ATAD5: variants seen among roughly 807,000 people sequenced by gnomAD.
ATAD5 encodes ATPase family AAA domain containing 5.
A neutral mutation model predicts 176.9 loss-of-function variants in ATAD5; 58 were observed. That is an observed-to-expected ratio of 0.33 (90% CI 0.27 to 0.41). The LOEUF is 0.41. Ranked by LOEUF, ATAD5 falls within the 10% of genes least tolerant of loss-of-function variation. ATAD5 has a pLI of 1.00. For synonymous variants in ATAD5, 640 were observed against 712.6 expected, an observed-to-expected ratio of 0.90 and a Z score of 1.62; for missense variants, 1,789 against 2,094.1, an observed-to-expected ratio of 0.85 and a Z score of 2.84.
chr17:30,853,446 C>T (rs1907093016), intron 6 of ATAD5, among the ~76,000 whole-genome samples: 5 of 151,918 alleles, frequency 3.3e-5, no homozygotes, highest in Admixed American at 2.6e-4. Flanking sequence ...CCATCTTCCT[C>T]CTTCCCGCCA....
rs1320531441 is a variant in ATAD5 at position 30,832,362 on chromosome 17, G to A, written c.15G>A (p.Leu5=). The A allele has an allele frequency of 5.8e-6, 9 of 1,563,394 alleles. No homozygotes were observed. Among genetic ancestry groups the A allele is most frequent in the Non-Finnish European group, 4.3e-6 (5 of 1,153,918 alleles). Residue 5 remains leucine, a synonymous_variant, in exon 1 of 23, where the codon CTG becomes CTA. Transcript: ENST00000321990. MVGV[L]AMAAAAAPPP... is the part of the protein sequence containing the mutation. ...AAGCGGGGAGTATGGTGGGGGTCCT[G>A]GCCATGGCGGCTGCAGCTGCTCCGC...
At chr17:30,859,352 A>G (rs1907477003) in intron 9 of ATAD5, among the ~76,000 whole-genome samples, 1 of 151,738 alleles carries the variant, frequency 6.6e-6, no homozygotes, top group Non-Finnish European at 1.5e-5. Flanking sequence ...TTGCCTTTTT[A>G]TTTTATTTTA....
chr17:30,881,210 G>T (rs1237845099), intron 18 of ATAD5, among the ~76,000 whole-genome samples: 1 of 151,332 alleles, frequency 6.6e-6, no homozygotes, highest in Non-Finnish European at 1.5e-5. Flanking sequence ...ATTGCTTGAG[G>T]CCAACAGTTC....
At chr17:30,892,858 T>G in intron 20 of ATAD5, 70 bp downstream of exon 20, 2 of 1,271,044 alleles carry the variant, frequency 1.6e-6, no homozygotes, top group Non-Finnish European at 2.2e-6. Context: ...TAGCCTCCTA[T>G]CTTTTGAATC....
At chr17:30,876,578 A>G in intron 15 of ATAD5, 28 bp downstream of exon 15, 1 of 1,414,444 alleles carries the variant, frequency 7.1e-7, no homozygotes, top group Non-Finnish European at 9.7e-7. Context: ...CAAATTTTAT[A>G]TTTTTTAATA....
chr17:30,844,697 A>G (rs377682658), intron 5 of ATAD5, 138 bp from the exon 6 acceptor site: 2 of 651,994 alleles, frequency 3.1e-6, no homozygotes, highest in Admixed American at 7.0e-5. Flanking sequence ...GCAGTGAGCC[A>G]AGATCGTGGC....
In ATAD5 at chr17:30,872,559, T is replaced by C. The variant is rs573285345; in HGVS notation, c.3607+2913T>C. On this transcript the variant is annotated intron_variant, in intron 14 of 22. Coordinates refer to ENST00000321990, the MANE Select transcript of ATAD5 (RefSeq NM_024857.5). ...TCTTTTTTTTTTTCTTTTTTCTTTTTTTTTTTCTTTTTTTGAGACGGAGTC... is the reference window on the plus strand; with the variant it reads ...TCTTTTTTTTTTTCTTTTTTCTTTTCTTTTTTCTTTTTTTGAGACGGAGTC... Among the ~76,000 whole-genome samples, 6 of 133,660 alleles carry C rather than the reference T, an allele frequency of 4.5e-5. No homozygotes were observed. In the South Asian group the frequency reaches 9.2e-4, roughly 20 times the overall value. 87.7% of individuals were successfully genotyped at this position (133,660 alleles called of 152,430 possible). A position where few individuals can be genotyped will look rare whatever the true frequency, so the allele number is the denominator to read the frequency against.
At chr17:30,839,172 G>T (rs555774465) in intron 3 of ATAD5, among the ~76,000 whole-genome samples, 2 of 151,868 alleles carry the variant, frequency 1.3e-5, no homozygotes, top group Non-Finnish European at 2.9e-5. Context: ...GAGTAAACTG[G>T]TTCCCCTAAG....
At chr17:30,852,016 A>G (rs369385204) in intron 6 of ATAD5, among the ~76,000 whole-genome samples, 3 of 152,324 alleles carry the variant, frequency 2.0e-5, no homozygotes, top group African/African-American at 4.8e-5. Context: ...CAAACCTGCA[A>G]TTATGGGCCT....
chr17:30,840,956 TAC>T (rs1906071879), intron 4 of ATAD5, among the ~76,000 whole-genome samples, 175 bp downstream of exon 4: 1 of 152,152 alleles, frequency 6.6e-6, no homozygotes. Flanking sequence ...GTCTGCAGAA[TAC>T]AGTTTGAATC....
chr17:30,840,718 A>T lies in ATAD5; in HGVS notation c.2178A>T (p.Ile726=), dbSNP rs769096269. ...SRSKVTEEIA[I]PLRRSSRHQT... is the part of the protein sequence containing the mutation. ...CAAAGGTGACTGAAGAAATAGCGATACCCTTAAGGCGCTCCTCTAGACATC... is the reference window on the plus strand; with the variant it reads ...CAAAGGTGACTGAAGAAATAGCGATTCCCTTAAGGCGCTCCTCTAGACATC... The change falls in exon 4 of 23, where the codon ATA becomes ATT. Residue 726 remains isoleucine (I), a synonymous_variant. Transcript: ENST00000321990. 163 of 1,609,194 alleles carry T rather than the reference A, an allele frequency of 1.0e-4. No homozygotes were observed. Among genetic ancestry groups the T allele is most frequent in the Non-Finnish European group, 1.2e-4 (147 of 1,178,344 alleles).
At chr17:30,857,200 T>C in intron 8 of ATAD5, 88 bp downstream of exon 8, 1 of 1,403,792 alleles carries the variant, frequency 7.1e-7, no homozygotes, top group Non-Finnish European at 9.6e-7. Context: ...TCTTATAGCC[T>C]CGAGTGTTGT....
Position 30,834,564 on chromosome 17 carries a change from C to T in ATAD5, c.483C>T (p.Tyr161=). The T allele has an allele frequency of 1.2e-6, 2 of 1,604,560 alleles. No homozygotes were observed. Among genetic ancestry groups the T allele is most frequent in the Non-Finnish European group, 1.7e-6 (2 of 1,177,820 alleles). ...FVESSTSVLR[Y]KKQVEVLAEN... ...AAAGTAGTACTTCTGTTTTACGTTA[C>T]AAGAAACAAGTAGAGGTACTTGCAG... Residue 161 remains tyrosine, a synonymous_variant, in exon 2 of 23, where the codon TAC becomes TAT. Coordinates refer to ENST00000321990, the MANE Select transcript of ATAD5 (RefSeq NM_024857.5).
Position 30,878,716 on chromosome 17 carries a change from GTGTTTTTTTTTT to G in ATAD5, c.4012+622_4012+633del, listed in dbSNP as rs1444555692. Among the ~76,000 whole-genome samples the G allele has an allele frequency of 5.2e-3, 433 of 82,638 alleles. 7 individuals are homozygous for G. Among genetic ancestry groups the G allele is most frequent in the African/African-American group, 0.019 (370 of 19,860 alleles). 54.2% of individuals were successfully genotyped at this position (82,638 alleles called of 152,430 possible). On this transcript the variant is annotated intron_variant, in intron 17 of 22. Transcript: ENST00000321990. ...AATCTTATTAATCAGAAGTTAGGTG[GTGTTTTTTTTTT>G]TTTTTTTTTTTTTTTTTTTTGGAGA...
At chr17:30,860,682 T>A (rs1322529426) in intron 10 of ATAD5, 70 bp downstream of exon 10, 1 of 1,270,934 alleles carries the variant, frequency 7.9e-7, no homozygotes, top group Non-Finnish European at 1.1e-6. Flanking sequence ...ACCAAAGCAG[T>A]AGAAGATTTT....
chr17:30,859,517 G>C (rs979242060), intron 9 of ATAD5, among the ~76,000 whole-genome samples: 3 of 152,160 alleles, frequency 2.0e-5, no homozygotes, highest in African/African-American at 7.2e-5. Flanking sequence ...CTGCCACCAT[G>C]CCTTTCTAAT....
chr17:30,868,813 A>C (rs1305279314), intron 12 of ATAD5, among the ~76,000 whole-genome samples: 1 of 149,972 alleles, frequency 6.7e-6, no homozygotes, highest in East Asian at 2.0e-4. Flanking sequence ...CTGGCCTATA[A>C]AATTTCTTAA....
intron 6 of ATAD5, among the ~76,000 whole-genome samples, chr17:30,852,717 G>C (rs1261237447): frequency 1.3e-5 from 2 of 151,968 alleles, no homozygotes; most frequent in Non-Finnish European, 2.9e-5. Flanking sequence ...CGAGAGAAGT[G>C]GCAAGAGAGA....
At chr17:30,894,776 T>C (rs1409237469) in intron 22 of ATAD5, 54 bp downstream of exon 22, 6 of 1,552,776 alleles carry the variant, frequency 3.9e-6, no homozygotes, top group African/African-American at 1.4e-5. Flanking sequence ...GATTAATACA[T>C]ATTTTCATAA....
Sources: allele counts gnomAD v4.1 joint callset (sites outside exome capture counted in the v4.1 genomes callset), GRCh38; gene constraint gnomAD v4.1.1; transcripts MANE v1.5; gene names NCBI Gene and HGNC (gene_info 2026-07-23, HGNC 2026-07-21).